ALG14: variants seen among roughly 807,000 people sequenced by gnomAD.
ALG14 encodes the protein ALG14 UDP-N-acetylglucosaminyltransferase subunit, also known as UDP-N-acetylglucosamine transferase subunit ALG14.
In ALG14, 17 loss-of-function variants were observed where a neutral mutation model predicts 22.8. That is an observed-to-expected ratio of 0.75 (90% CI 0.51 to 1.12). ALG14 has a LOEUF of 1.12. Ranked by LOEUF, ALG14 falls within the 50% of genes most tolerant of loss-of-function variation. The pLI, the probability that ALG14 is intolerant of heterozygous loss-of-function variation, is 0.00. For missense variants in ALG14, 288 were observed against 271.8 expected (o/e 1.06, Z -0.42); for synonymous variants, 89 against 103.7 (o/e 0.86, Z 0.86).
intron 2 of ALG14, among the ~76,000 whole-genome samples, chr1:95,048,382 T>C (rs1353833187): frequency 6.6e-6 from 1 of 152,124 alleles, no homozygotes; most frequent in African/African-American, 2.4e-5. Context: ...TCTTCAGTAA[T>C]GTGAAAAGGG....
chr1:95,063,584 AG>A (rs1452898094), intron 2 of ALG14, among the ~76,000 whole-genome samples: 2 of 152,222 alleles, frequency 1.3e-5, no homozygotes, highest in African/African-American at 2.4e-5. Flanking sequence ...TTTGTAGATC[AG>A]ATGGTTGTAA....
chr1:95,032,249 CTATCACCTAGCTGAGATATATTTAGAA>C (rs1331932545), intron 2 of ALG14, among the ~76,000 whole-genome samples: 1 of 152,004 alleles, frequency 6.6e-6, no homozygotes, highest in African/African-American at 2.4e-5. Context: ...TTCCATCTTC[CTATCACCTAGCTGAGATATATTTAGAA>C]TATAGAAAGG....
rs763442364 is a variant in ALG14 at position 94,983,055 on chromosome 1, A to G, written c.*21T>C. 2 of 1,609,080 alleles carry G rather than the reference A, an allele frequency of 1.2e-6. No individual in the cohort carries two copies. Among genetic ancestry groups the G allele is most frequent in the Non-Finnish European group, 1.7e-6 (2 of 1,175,502 alleles). ...ATACTACTGTTAACTGCAAAATTCT[A>G]AAGAAGTCAGTTGCCATTTGTCAAA... On this transcript the variant is annotated 3_prime_UTR_variant, in exon 4 of 4. Coordinates refer to ENST00000370205, the MANE Select transcript of ALG14 (RefSeq NM_144988.4).
chr1:95,048,954 C>T (rs1028149883), intron 2 of ALG14, among the ~76,000 whole-genome samples: 1 of 152,080 alleles, frequency 6.6e-6, no homozygotes, highest in African/African-American at 2.4e-5. Flanking sequence ...TTTGCCTTTA[C>T]TCTTGTGTAA....
chr1:95,061,506 C>G (rs906236935), intron 2 of ALG14: 1 of 151,132 alleles, frequency 6.6e-6, no homozygotes, highest in Admixed American at 6.6e-5. Flanking sequence ...AGAGAGTGTG[C>G]GTATGTCACA....
intron 3 of ALG14, among the ~76,000 whole-genome samples, chr1:94,991,948 T>C (rs560481691): frequency 6.6e-6 from 1 of 152,186 alleles, no homozygotes; most frequent in East Asian, 1.9e-4. Context: ...TCAATATCAC[T>C]GTCTTCCACC....
chr1:95,037,915 CAG>C (rs1352422445), intron 2 of ALG14, among the ~76,000 whole-genome samples: 2 of 152,164 alleles, frequency 1.3e-5, no homozygotes, highest in African/African-American at 4.8e-5. Context: ...GCTAGGGAAA[CAG>C]AGGTGAATAA....
At chr1:95,017,858 A>G (rs545616051) in intron 3 of ALG14, among the ~76,000 whole-genome samples, 3 of 152,166 alleles carry the variant, frequency 2.0e-5, no homozygotes, top group Admixed American at 6.5e-5. Context: ...AGCTCCAAGG[A>G]TCATATGTCC....
intron 3 of ALG14, among the ~76,000 whole-genome samples, chr1:94,987,400 G>A (rs1177677469): frequency 6.6e-6 from 1 of 152,200 alleles, no homozygotes; most frequent in Non-Finnish European, 1.5e-5. Context: ...TTCAATATGT[G>A]TCTGTTGGAT....
intron 2 of ALG14, among the ~76,000 whole-genome samples, chr1:95,050,947 C>T (rs1459937216): frequency 1.3e-5 from 2 of 150,352 alleles, no homozygotes; most frequent in Non-Finnish European, 3.0e-5. Context: ...CTTCCTGCAA[C>T]CTCCGCCTCC....
intron 3 of ALG14, among the ~76,000 whole-genome samples, chr1:95,024,642 G>A (rs578008728): frequency 3.3e-5 from 5 of 152,236 alleles, no homozygotes; most frequent in South Asian, 4.1e-4. Context: ...AGTGAATAGC[G>A]AGCCATTTTC....
intron 2 of ALG14, among the ~76,000 whole-genome samples, chr1:95,048,836 TCA>T (rs1282011913): frequency 6.6e-6 from 1 of 152,158 alleles, no homozygotes; most frequent in African/African-American, 2.4e-5. Context: ...CTTTCTAATT[TCA>T]GTTGTTAGTC....
intron 2 of ALG14, among the ~76,000 whole-genome samples, chr1:95,046,165 A>G (rs1276628110): frequency 1.3e-5 from 2 of 152,140 alleles, no homozygotes; most frequent in Non-Finnish European, 2.9e-5. Context: ...CCATATATTT[A>G]TACTCCTAAC....
chr1:95,014,719 G>A (rs1017725842), intron 3 of ALG14, among the ~76,000 whole-genome samples: 8 of 152,128 alleles, frequency 5.3e-5, no homozygotes, highest in Admixed American at 2.0e-4. Context: ...ATTTTTATTT[G>A]TAAATAAAAA....
At chr1:94,995,433 C>T (rs1179530861) in intron 3 of ALG14, among the ~76,000 whole-genome samples, 4 of 152,214 alleles carry the variant, frequency 2.6e-5, no homozygotes. Flanking sequence ...GTATTTTGGG[C>T]AAGGCGCAGT....
At chr1:95,040,816 T>C (rs1373305665) in intron 2 of ALG14, among the ~76,000 whole-genome samples, 3 of 152,228 alleles carry the variant, frequency 2.0e-5, no homozygotes, top group Non-Finnish European at 4.4e-5. Context: ...CTGCTCTTCA[T>C]GTTGTAAGAA....
intron 2 of ALG14, among the ~76,000 whole-genome samples, chr1:95,059,353 A>G (rs1378843176): frequency 6.7e-6 from 1 of 148,356 alleles, no homozygotes; most frequent in African/African-American, 2.5e-5. Context: ...AGCTGAGATC[A>G]CATCATTGCA....
intron 3 of ALG14, among the ~76,000 whole-genome samples, chr1:94,992,019 C>T (rs982672966): frequency 1.4e-5 from 2 of 147,516 alleles, no homozygotes; most frequent in African/African-American, 4.9e-5. Context: ...GCTGTCATCT[C>T]CTATGAGAAC....
At chr1:95,040,688 G>T (rs1674351862) in intron 2 of ALG14, among the ~76,000 whole-genome samples, 1 of 152,068 alleles carries the variant, frequency 6.6e-6, no homozygotes, top group Non-Finnish European at 1.5e-5. Flanking sequence ...TGTACTCAAA[G>T]GTATAGATTT....
Sources: gnomAD v4.1 joint callset for allele counts (sites outside exome capture counted in the v4.1 genomes callset) on GRCh38, gnomAD v4.1.1 for gene constraint, MANE v1.5 for transcripts, NCBI Gene and HGNC (gene_info 2026-07-23, HGNC 2026-07-21) for gene names.